The following C2CD5 variants were observed in gnomAD, a reference collection of about 807,000 sequenced individuals.
C2CD5 encodes C2 domain-containing protein 5.
A neutral mutation model predicts 130.3 loss-of-function variants in C2CD5; 109 were observed. The observed-to-expected ratio is 0.84, with a 90% CI of 0.72 to 0.98. C2CD5 has a LOEUF of 0.98. Ranked by LOEUF, C2CD5 falls within the 50% of genes least tolerant of loss-of-function variation. The pLI, the probability that C2CD5 is intolerant of heterozygous loss-of-function variation, is 0.00. For synonymous variants in C2CD5, 454 were observed against 429.2 expected (o/e 1.06, Z -0.71); for missense variants, 996 against 1,261.8 (o/e 0.79, Z 3.19).
rs1163329829 is a variant in C2CD5, at chr12:22,478,419, C to G, written c.1796G>C (p.Gly599Ala). ...ATATGAGCCATCATTAGGAGTCTTC[C>G]CAGCAATCTGAATACCACCAGGAGT... ...LPTPGGIQIA[G>A]KTPNDGSYEQ... Residue 599 changes from glycine to alanine, a missense_variant, in exon 15 of 27, where the codon GGG (glycine) becomes GCG (alanine). By Grantham distance (60) the Gly-to-Ala change is moderately conservative. Transcript: ENST00000446597. The G allele has an allele frequency of 6.2e-7, 1 of 1,613,580 alleles. No homozygotes were observed. The highest frequency in any genetic ancestry group is 8.5e-7 in the Non-Finnish European group (1 of 1,179,628).
At chr12:22,523,398 A>C in intron 7 of C2CD5, 28 bp downstream of exon 7, 1 of 1,565,976 alleles carries the variant, frequency 6.4e-7, no homozygotes, top group Non-Finnish European at 8.8e-7. Context: ...AAATCTTAGC[A>C]AGAACAATTT....
intron 3 of C2CD5, among the ~76,000 whole-genome samples, chr12:22,530,101 T>C (rs1215363193): frequency 1.7e-5 from 2 of 114,410 alleles, no homozygotes; most frequent in African/African-American, 3.8e-5. Flanking sequence ...TATATATATA[T>C]ATATATATAT....
intron 11 of C2CD5, among the ~76,000 whole-genome samples, chr12:22,492,053 C>T (rs981668000): frequency 6.6e-6 from 1 of 152,076 alleles, no homozygotes; most frequent in Admixed American, 6.6e-5. Context: ...GAGTATAACA[C>T]ATGATCTGCA....
chr12:22,538,088 A>C (rs1305478813), intron 2 of C2CD5, among the ~76,000 whole-genome samples: 1 of 152,238 alleles, frequency 6.6e-6, no homozygotes, highest in Non-Finnish European at 1.5e-5. Context: ...GATCACTAAA[A>C]ATAATACAAA....
At chr12:22,472,897 C>T (rs1943265393) in intron 16 of C2CD5, 90 bp from the exon 17 acceptor site, 4 of 759,570 alleles carry the variant, frequency 5.3e-6, no homozygotes, top group African/African-American at 1.8e-5. Flanking sequence ...CAAGAAAAGG[C>T]AGAGTCATTT....
chr12:22,536,143 C>CAA (rs10645576), intron 2 of C2CD5, among the ~76,000 whole-genome samples: 5,526 of 127,290 alleles, frequency 0.043, 351 homozygotes, highest in African/African-American at 0.14. Flanking sequence ...TTCTTCAGCA[C>CAA]AAAAAAAAAA....
chr12:22,544,228 G>A, intron 1 of C2CD5, 49 bp from the exon 2 acceptor site: 2 of 1,441,592 alleles, frequency 1.4e-6, no homozygotes, highest in Non-Finnish European at 1.9e-6. Context: ...GCCGGCGGGA[G>A]AGGGGCGGAG....
At chr12:22,473,458 C>T (rs1345685073) in intron 16 of C2CD5, among the ~76,000 whole-genome samples, 1 of 152,084 alleles carries the variant, frequency 6.6e-6, no homozygotes, top group African/African-American at 2.4e-5. Flanking sequence ...TACCTCAACC[C>T]ATTATTCCCC....
chr12:22,480,196 A>G (rs1944500471), intron 14 of C2CD5, among the ~76,000 whole-genome samples: 1 of 152,208 alleles, frequency 6.6e-6, no homozygotes. Context: ...AGCCCTGAAC[A>G]GCTGAGAACA....
intron 10 of C2CD5, among the ~76,000 whole-genome samples, chr12:22,505,601 G>A (rs1948423862): frequency 6.6e-6 from 1 of 152,124 alleles, no homozygotes. Context: ...TTTAATGTAT[G>A]TTGATTGAGC....
chr12:22,537,428 AG>A (rs1951926050), intron 2 of C2CD5, among the ~76,000 whole-genome samples: 1 of 151,694 alleles, frequency 6.6e-6, no homozygotes, highest in Admixed American at 6.6e-5. Context: ...AGAAACAAAA[AG>A]AAAAAGGCTG....
At chr12:22,495,776 A>G (rs1946936803) in intron 10 of C2CD5, among the ~76,000 whole-genome samples, 1 of 152,126 alleles carries the variant, frequency 6.6e-6, no homozygotes, top group African/African-American at 2.4e-5. Flanking sequence ...CACTCCAGAA[A>G]ACTTCTTAAA....
At chr12:22,471,360 G>C in intron 20 of C2CD5, 39 bp downstream of exon 20, 1 of 1,057,062 alleles carries the variant, frequency 9.5e-7, no homozygotes, top group South Asian at 1.3e-5. Context: ...TAATAAAACA[G>C]ATCAGATAAA....
chr12:22,502,925 T>C (rs1002066415), intron 10 of C2CD5: 68 of 614,262 alleles, frequency 1.1e-4, no homozygotes, highest in African/African-American at 6.5e-4. Context: ...TGGAAAGACA[T>C]AGACAGCAGA....
intron 10 of C2CD5, among the ~76,000 whole-genome samples, chr12:22,496,724 A>C (rs972460883): frequency 6.6e-5 from 10 of 150,526 alleles, no homozygotes; most frequent in Non-Finnish European, 1.0e-4. Context: ...GTTATATTTT[A>C]TACTATTTTA....
At chr12:22,461,218 T>C (rs752736459) in intron 22 of C2CD5, among the ~76,000 whole-genome samples, 50 of 152,204 alleles carry the variant, frequency 3.3e-4, no homozygotes, top group Non-Finnish European at 6.2e-4. Context: ...CTAACTTACA[T>C]ATCCCAAGAG....
intron 22 of C2CD5, among the ~76,000 whole-genome samples, chr12:22,462,532 G>A (rs1941355326): frequency 1.3e-5 from 2 of 152,138 alleles, no homozygotes; most frequent in African/African-American, 4.8e-5. Context: ...TATTTAACAA[G>A]CCCTGTGTGT....
chr12:22,479,076 C>T (rs1054847142), intron 14 of C2CD5, among the ~76,000 whole-genome samples: 4 of 151,682 alleles, frequency 2.6e-5, no homozygotes, highest in South Asian at 2.1e-4. Context: ...TTCTACCTCA[C>T]AATTTTTTTT....
chr12:22,471,387 A>T lies in C2CD5; in HGVS notation c.2358+12T>A. The T allele has an allele frequency of 7.3e-7, 1 of 1,360,562 alleles. No homozygotes were observed. The highest frequency in any genetic ancestry group is 1.0e-6 in the Non-Finnish European group (1 of 953,682). 84.3% of individuals were successfully genotyped at this position (1,360,562 alleles called of 1,614,324 possible). ...TCAGATAAAGACTAATAATGGACTA[A>T]ATCTTAATTACCTGAATTAATTCAT... On this transcript the variant is annotated intron_variant, in intron 20 of 26. Transcript: ENST00000446597.
Sources: allele counts gnomAD v4.1 joint callset (sites outside exome capture counted in the v4.1 genomes callset), GRCh38; gene constraint gnomAD v4.1.1; transcripts MANE v1.5; gene names NCBI Gene and HGNC (gene_info 2026-07-23, HGNC 2026-07-21).